XPR1: variants seen among roughly 807,000 people sequenced by gnomAD.
XPR1 encodes the protein xenotropic and polytropic retrovirus receptor 1.
In XPR1, 28 loss-of-function variants were observed where a neutral mutation model predicts 87.5. The ratio of observed to expected loss-of-function variants is 0.32; its 90% CI spans 0.24 to 0.44. XPR1 has a LOEUF of 0.44. Ranked by LOEUF, XPR1 falls within the 20% of genes least tolerant of loss-of-function variation. The pLI is 1.00. For synonymous variants in XPR1, 300 were observed against 306.1 expected (o/e 0.98, Z 0.21); for missense variants, 559 against 862.3 (o/e 0.65, Z 4.41).
chr1:180,816,394 T>A (rs1429312668), intron 7 of XPR1, among the ~76,000 whole-genome samples: 1 of 152,220 alleles, frequency 6.6e-6, no homozygotes, highest in Admixed American at 6.5e-5. Context: ...CACCTCCTGC[T>A]GTGTGGCCTG....
intron 2 of XPR1, among the ~76,000 whole-genome samples, chr1:180,732,416 A>G (rs541902400): frequency 6.6e-6 from 1 of 152,298 alleles, no homozygotes; most frequent in South Asian, 2.1e-4. Flanking sequence ...TGTATTAGAT[A>G]ATATTCTCAT....
At chr1:180,853,502 C>T (rs1651932526) in intron 11 of XPR1, among the ~76,000 whole-genome samples, 1 of 152,102 alleles carries the variant, frequency 6.6e-6, no homozygotes. Flanking sequence ...ACATCTCTAT[C>T]ATCTCAGTTT....
At chr1:180,722,784 G>A (rs1431942059) in intron 2 of XPR1, among the ~76,000 whole-genome samples, 3 of 152,100 alleles carry the variant, frequency 2.0e-5, no homozygotes, top group Non-Finnish European at 1.5e-5. Context: ...CCATTTTGGG[G>A]ACTGGGAAGA....
At chr1:180,788,500 G>GT (rs1213614257) in intron 3 of XPR1, among the ~76,000 whole-genome samples, 1 of 152,094 alleles carries the variant, frequency 6.6e-6, no homozygotes, top group East Asian at 1.9e-4. Flanking sequence ...AGTTTCATGA[G>GT]TACAGAATCT....
chr1:180,691,260 C>A (rs1656984731), intron 2 of XPR1, among the ~76,000 whole-genome samples: 1 of 152,014 alleles, frequency 6.6e-6, no homozygotes, highest in Admixed American at 6.6e-5. Context: ...AGTATGCCTC[C>A]TTTCAAAGAT....
At chr1:180,732,074 TCCCAG>T (rs1051005512) in intron 2 of XPR1, among the ~76,000 whole-genome samples, 18 of 151,560 alleles carry the variant, frequency 1.2e-4, no homozygotes, top group Non-Finnish European at 5.9e-5. Context: ...GTGCCTCTAA[TCCCAG>T]CTACTCGGGA....
chr1:180,788,548 A>G (rs1055739623), intron 3 of XPR1, among the ~76,000 whole-genome samples: 1 of 152,158 alleles, frequency 6.6e-6, no homozygotes, highest in Admixed American at 6.5e-5. Context: ...TATTTCATCT[A>G]GACTCTGGAA....
At chr1:180,812,217 A>G (rs1377316237) in intron 7 of XPR1, among the ~76,000 whole-genome samples, 1 of 152,130 alleles carries the variant, frequency 6.6e-6, no homozygotes, top group Non-Finnish European at 1.5e-5. Flanking sequence ...TGCTAGCTAT[A>G]CTTTTCTTTG....
At chr1:180,849,134 C>T (rs893698021) in intron 11 of XPR1, among the ~76,000 whole-genome samples, 1 of 152,190 alleles carries the variant, frequency 6.6e-6, no homozygotes, top group Admixed American at 6.5e-5. Flanking sequence ...TTGGCCTAGA[C>T]TTTCTAAGGC....
intron 6 of XPR1, among the ~76,000 whole-genome samples, chr1:180,806,758 T>C (rs2102123732): frequency 1.3e-5 from 2 of 152,328 alleles, no homozygotes; most frequent in Admixed American, 1.3e-4. Flanking sequence ...TCTCTTCTCA[T>C]ACTGTACTTT....
chr1:180,656,380 T>C (rs1334669025), intron 1 of XPR1, among the ~76,000 whole-genome samples: 1 of 101,504 alleles, frequency 9.9e-6, no homozygotes, highest in Non-Finnish European at 1.8e-5. Context: ...TTATATATAA[T>C]ATTCATGTAT....
In XPR1 at chr1:180,632,048, C is replaced by G; in HGVS notation, c.-154C>G. ...TGGAGAGGAGGAGGAAGATGGCGGGCGGGCTGCTCTGAAGAGACCTCGGCG... is the reference window on the plus strand; with the variant it reads ...TGGAGAGGAGGAGGAAGATGGCGGGGGGGCTGCTCTGAAGAGACCTCGGCG... On this transcript the variant is annotated 5_prime_UTR_variant, in exon 1 of 15. Coordinates refer to ENST00000367590, the MANE Select transcript of XPR1 (RefSeq NM_004736.4). 2 of 798,628 alleles carry G rather than the reference C, an allele frequency of 2.5e-6. No individual in the cohort carries two copies. Among genetic ancestry groups the G allele is most frequent in the Non-Finnish European group, 2.1e-6 (1 of 474,432 alleles). The allele number at this position is 798,628 out of a possible 1,614,324, so 49.5% of individuals were successfully genotyped here.
chr1:180,780,232 A>C (rs564750278), intron 2 of XPR1, among the ~76,000 whole-genome samples: 2 of 152,296 alleles, frequency 1.3e-5, no homozygotes, highest in South Asian at 4.1e-4. Context: ...TTGAGGAACT[A>C]CCGAACTGTT....
intron 2 of XPR1, among the ~76,000 whole-genome samples, chr1:180,715,529 G>A (rs1205291148): frequency 6.6e-6 from 1 of 152,036 alleles, no homozygotes; most frequent in African/African-American, 2.4e-5. Context: ...GTTTCTGGAG[G>A]GCATTTCAGC....
chr1:180,676,141 A>T (rs928255177), intron 1 of XPR1, among the ~76,000 whole-genome samples: 4 of 152,176 alleles, frequency 2.6e-5, no homozygotes, highest in Admixed American at 2.6e-4. Context: ...TTGCAAATTA[A>T]ATTTATGTGT....
At chr1:180,829,175 A>T (rs1650967517) in intron 9 of XPR1, among the ~76,000 whole-genome samples, 1 of 152,182 alleles carries the variant, frequency 6.6e-6, no homozygotes, top group African/African-American at 2.4e-5. Context: ...CATGAAAAGT[A>T]GAAATTAAAA....
intron 2 of XPR1, among the ~76,000 whole-genome samples, chr1:180,688,049 ATTT>A (rs61214643): frequency 1.5e-5 from 2 of 130,548 alleles, no homozygotes; most frequent in South Asian, 2.4e-4. Context: ...TATGTTATTA[ATTT>A]TTTTTTTTTT....
chr1:180,678,695 G>A (rs2101939690), intron 1 of XPR1, among the ~76,000 whole-genome samples: 1 of 152,180 alleles, frequency 6.6e-6, no homozygotes, highest in East Asian at 1.9e-4. Context: ...TTTAATTTCT[G>A]TTGTTTCATT....
chr1:180,756,956 G>T (rs1647771806), intron 2 of XPR1, among the ~76,000 whole-genome samples: 1 of 152,164 alleles, frequency 6.6e-6, no homozygotes, highest in Non-Finnish European at 1.5e-5. Flanking sequence ...TTGAAAATCA[G>T]TTGAACACAA....
Sources: gnomAD v4.1 joint callset for allele counts (sites outside exome capture counted in the v4.1 genomes callset) on GRCh38, gnomAD v4.1.1 for gene constraint, MANE v1.5 for transcripts, NCBI Gene and HGNC (gene_info 2026-07-23, HGNC 2026-07-21) for gene names.